Variants in TENM4 observed in about 807,000 individuals in gnomAD.
TENM4 encodes the protein teneurin transmembrane protein 4, also known as teneurin-4.
A neutral mutation model predicts 243.3 loss-of-function variants in TENM4; 82 were observed. The observed-to-expected ratio is 0.34, with a 90% CI of 0.28 to 0.40. TENM4 has a LOEUF of 0.40. Ranked by LOEUF, TENM4 falls within the 10% of genes least tolerant of loss-of-function variation. The pLI, the probability that TENM4 is intolerant of heterozygous loss-of-function variation, is 1.00. For synonymous variants in TENM4, 1,412 were observed against 1,456.3 expected, an observed-to-expected ratio of 0.97 and a Z score of 0.69; for missense variants, 3,138 against 3,673.3, an observed-to-expected ratio of 0.85 and a Z score of 3.77.
At chr11:79,264,244 G>C (rs910956248) in intron 2 of TENM4, among the ~76,000 whole-genome samples, 1 of 152,242 alleles carries the variant, frequency 6.6e-6, no homozygotes, top group East Asian at 1.9e-4. Context: ...AGCTACCCGG[G>C]CTCAACATCT....
At chr11:78,936,774 A>G (rs1856794416) in intron 6 of TENM4, among the ~76,000 whole-genome samples, 1 of 152,198 alleles carries the variant, frequency 6.6e-6, no homozygotes, top group Admixed American at 6.5e-5. Flanking sequence ...ACATTTCAAT[A>G]ATCATCCTGT....
intron 4 of TENM4, among the ~76,000 whole-genome samples, chr11:79,129,276 G>T (rs1206593389): frequency 6.6e-6 from 1 of 152,140 alleles, no homozygotes; most frequent in African/African-American, 2.4e-5. Context: ...CATTGGGAGG[G>T]TGGCCAGAGG....
intron 2 of TENM4, among the ~76,000 whole-genome samples, chr11:79,282,732 C>G (rs1260853857): frequency 2.0e-5 from 3 of 151,976 alleles, no homozygotes; most frequent in Non-Finnish European, 2.9e-5. Flanking sequence ...GGTCCAGAGG[C>G]CAATCTCTTA....
chr11:78,805,499 G>C lies in TENM4; in HGVS notation c.1979-7C>G, dbSNP rs1202192845. On this transcript the variant is annotated splice_region_variant and splice_polypyrimidine_tract_variant and intron_variant, in intron 14 of 33. Transcript: ENST00000278550. ...GTGGGGTCCATGCAGTCCACTGTGA[G>C]ATGGAGGAAGGAGAACATAGGTAAG... is the stretch of plus-strand genomic sequence containing the variant. 11 of 1,567,564 alleles carry C rather than the reference G, an allele frequency of 7.0e-6. No homozygotes were observed. The Admixed American group carries it at 2.1e-4, about 29-fold the overall frequency.
intron 6 of TENM4, among the ~76,000 whole-genome samples, chr11:78,922,541 T>C (rs1244923541): frequency 1.3e-5 from 2 of 152,230 alleles, no homozygotes; most frequent in East Asian, 3.8e-4. Flanking sequence ...CAGATTGGAC[T>C]GACACAGACA....
intron 6 of TENM4, among the ~76,000 whole-genome samples, chr11:79,039,290 G>A (rs529517618): frequency 7.9e-5 from 12 of 152,272 alleles, no homozygotes; most frequent in African/African-American, 2.9e-4. Flanking sequence ...AGCCTCAAAG[G>A]GTTTTTGGTG....
chr11:78,807,368 T>C (rs1196224539), intron 14 of TENM4, among the ~76,000 whole-genome samples: 1 of 152,244 alleles, frequency 6.6e-6, no homozygotes, highest in East Asian at 1.9e-4. Context: ...GACAGCTCTG[T>C]CTGATCCTGA....
intron 2 of TENM4, among the ~76,000 whole-genome samples, chr11:79,219,511 G>A (rs551543097): frequency 9.2e-5 from 14 of 152,190 alleles, no homozygotes; most frequent in Non-Finnish European, 5.9e-5. Context: ...TAGGTGCTTT[G>A]ATGTTATTTA....
At chr11:79,395,956 C>A (rs1327850947) in intron 1 of TENM4, among the ~76,000 whole-genome samples, 1 of 152,168 alleles carries the variant, frequency 6.6e-6, no homozygotes, top group East Asian at 1.9e-4. Context: ...AAAATGGAGG[C>A]AATAATATTA....
At chr11:78,872,016 T>C (rs1394717054) in intron 9 of TENM4, among the ~76,000 whole-genome samples, 1 of 152,212 alleles carries the variant, frequency 6.6e-6, no homozygotes, top group Admixed American at 6.5e-5. Flanking sequence ...AGTAACTCCA[T>C]TTTATAGATT....
intron 6 of TENM4, chr11:79,021,691 G>C (rs1565170875): frequency 2.0e-5 from 3 of 152,166 alleles, no homozygotes; most frequent in Admixed American, 6.5e-5. Context: ...ATGGTCATAG[G>C]GTATAAATGG....
At chr11:79,089,677 G>A (rs1389374339) in intron 4 of TENM4, among the ~76,000 whole-genome samples, 1 of 152,148 alleles carries the variant, frequency 6.6e-6, no homozygotes, top group African/African-American at 2.4e-5. Context: ...CAGACTAGTA[G>A]CATTCCAATG....
At chr11:78,904,829 A>T (rs1179686118) in intron 6 of TENM4, among the ~76,000 whole-genome samples, 2 of 152,226 alleles carry the variant, frequency 1.3e-5, no homozygotes, top group African/African-American at 4.8e-5. Context: ...GAAAGAAAAC[A>T]AATACAATTT....
At chr11:79,331,054 C>G (rs1857053440) in intron 1 of TENM4, among the ~76,000 whole-genome samples, 1 of 152,124 alleles carries the variant, frequency 6.6e-6, no homozygotes, top group Non-Finnish European at 1.5e-5. Context: ...GAGGTCTTCC[C>G]TGGGGGCAGA....
chr11:79,392,686 C>G (rs1858261051), intron 1 of TENM4, among the ~76,000 whole-genome samples: 2 of 152,220 alleles, frequency 1.3e-5, no homozygotes, highest in Non-Finnish European at 1.5e-5. Context: ...TCTCTGCTAT[C>G]TACTTGCTGT....
chr11:78,727,345 G>C (rs934355949), intron 22 of TENM4, among the ~76,000 whole-genome samples: 5 of 151,694 alleles, frequency 3.3e-5, no homozygotes, highest in Admixed American at 3.3e-4. Context: ...TACTCGGGAG[G>C]CTGAGGCAGG....
At chr11:79,116,251 A>G (rs1281224325) in intron 4 of TENM4, among the ~76,000 whole-genome samples, 1 of 152,218 alleles carries the variant, frequency 6.6e-6, no homozygotes, top group African/African-American at 2.4e-5. Context: ...TTTGGAACAG[A>G]ACTTAACATT....
At chr11:79,308,597 T>C (rs1467482495) in intron 1 of TENM4, among the ~76,000 whole-genome samples, 1 of 152,210 alleles carries the variant, frequency 6.6e-6, no homozygotes, top group Non-Finnish European at 1.5e-5. Context: ...AGCCACATGC[T>C]CACATTACCA....
chr11:78,898,340 T>C (rs559224512), intron 7 of TENM4, among the ~76,000 whole-genome samples: 1 of 152,370 alleles, frequency 6.6e-6, no homozygotes, highest in African/African-American at 2.4e-5. Context: ...TTGGTCATTC[T>C]ACCAGCTGTT....
Sources: allele counts gnomAD v4.1 joint callset (sites outside exome capture counted in the v4.1 genomes callset), GRCh38; gene constraint gnomAD v4.1.1; transcripts MANE v1.5; gene names NCBI Gene and HGNC (gene_info 2026-07-23, HGNC 2026-07-21).